SLC39A11: variants seen among roughly 807,000 people sequenced by gnomAD.
SLC39A11 encodes zinc transporter ZIP11.
A neutral mutation model predicts 36.1 loss-of-function variants in SLC39A11; 33 were observed. The ratio of observed to expected loss-of-function variants is 0.91; its 90% CI spans 0.69 to 1.22. The LOEUF (loss-of-function observed/expected upper bound fraction) is 1.22, where lower values mean the gene tolerates loss of function less well. Among genes scored for constraint, SLC39A11 ranks in the 50% most tolerant of loss-of-function variants. The pLI is 0.00. For synonymous variants in SLC39A11, 166 were observed against 170.3 expected, an observed-to-expected ratio of 0.97 and a Z score of 0.20; for missense variants, 432 against 430.3, an observed-to-expected ratio of 1.00 and a Z score of -0.03.
chr17:73,016,319 A>C (rs2058164796), intron 4 of SLC39A11, among the ~76,000 whole-genome samples: 1 of 151,036 alleles, frequency 6.6e-6, no homozygotes, highest in African/African-American at 2.5e-5. Context: ...TCTCAGGGTG[A>C]AGAAGTATCA....
rs536490660 is a variant in SLC39A11 at position 72,646,329 on chromosome 17, T to G, written c.*1255A>C. ...CAGAGCCCACTGAAAGTCTCACGTG[T>G]GCCTTTAACCAATGAGGATGGCAGG... On this transcript the variant is annotated 3_prime_UTR_variant, in exon 10 of 10. Coordinates refer to ENST00000255559, the MANE Select transcript of SLC39A11 (RefSeq NM_139177.4). 2 of 152,656 alleles carry G rather than the reference T, an allele frequency of 1.3e-5. No homozygotes were observed. Among genetic ancestry groups the G allele is most frequent in the East Asian group, 3.9e-4 (2 of 5,188 alleles). 9.5% of individuals were successfully genotyped at this position (152,656 alleles called of 1,614,324 possible).
At chr17:72,761,829 C>T (rs2567539) in intron 6 of SLC39A11, among the ~76,000 whole-genome samples, 3 of 152,054 alleles carry the variant, frequency 2.0e-5, no homozygotes, top group Non-Finnish European at 4.4e-5. Flanking sequence ...CTCAGATCAA[C>T]AGGCATCAAA....
chr17:72,663,235 C>T (rs1235407545), intron 7 of SLC39A11, among the ~76,000 whole-genome samples: 3 of 152,194 alleles, frequency 2.0e-5, no homozygotes, highest in African/African-American at 7.2e-5. Context: ...ACAAACAACA[C>T]GTTTGAGCAG....
rs143800397 is a variant in SLC39A11, at chr17:72,884,940, GTCTT to G, written c.431-35140_431-35137del. On this transcript the variant is annotated intron_variant, in intron 5 of 9. Transcript: ENST00000255559. The stretch of plus-strand genomic sequence containing the variant: ...AATATAAAGTGGTAATATTAAATGA[GTCTT>G]TCTTGCAGTAGGATACTTAACTTTC... 0.015 allele frequency among the ~76,000 whole-genome samples: 2,215 copies of G among 152,284 alleles called. 182 individuals are homozygous for G. In the East Asian group the frequency reaches 0.24, roughly 17 times the overall value.
Position 72,917,665 on chromosome 17 carries a change from C to T in SLC39A11, c.430+30087G>A, listed in dbSNP as rs76618930. ...AACTAGGGCCCTTGTGACATGTGGACGTCATGGAAATCCACTGGCTGCTCT... is the reference window on the plus strand; with the variant it reads ...AACTAGGGCCCTTGTGACATGTGGATGTCATGGAAATCCACTGGCTGCTCT... On this transcript the variant is annotated intron_variant, in intron 5 of 9. Coordinates refer to ENST00000255559, the MANE Select transcript of SLC39A11 (RefSeq NM_139177.4). 2.8e-4 allele frequency among the ~76,000 whole-genome samples: 42 copies of T among 152,252 alleles called. 1 individual carries two copies. The highest frequency in any genetic ancestry group is 8.3e-4 in the South Asian group (4 of 4,826).
intron 3 of SLC39A11, among the ~76,000 whole-genome samples, chr17:73,038,209 A>T (rs2058987151): frequency 6.6e-6 from 1 of 152,098 alleles, no homozygotes; most frequent in African/African-American, 2.4e-5. Context: ...GAGTGACAGA[A>T]CAAGAAACTG....
intron 5 of SLC39A11, among the ~76,000 whole-genome samples, chr17:72,914,665 G>A (rs2083231972): frequency 6.6e-6 from 1 of 152,118 alleles, no homozygotes; most frequent in Non-Finnish European, 1.5e-5. Context: ...CAGATCACCT[G>A]AGGTCAGGGG....
intron 6 of SLC39A11, among the ~76,000 whole-genome samples, chr17:72,755,729 G>A (rs959670871): frequency 1.3e-5 from 2 of 152,204 alleles, no homozygotes; most frequent in Non-Finnish European, 2.9e-5. Context: ...AGAGAATCCC[G>A]CCCTGTGGGA....
chr17:72,926,320 C>G (rs2084047007), intron 5 of SLC39A11, among the ~76,000 whole-genome samples: 1 of 152,180 alleles, frequency 6.6e-6, no homozygotes, highest in South Asian at 2.1e-4. Context: ...TAGCCTCTCA[C>G]CTAACCTTGT....
intron 6 of SLC39A11, among the ~76,000 whole-genome samples, chr17:72,819,543 T>A (rs2077696123): frequency 6.6e-6 from 1 of 151,348 alleles, no homozygotes; most frequent in African/African-American, 2.4e-5. Flanking sequence ...TGCAAAGTCC[T>A]TCTCTACTTC....
At chr17:72,741,193 C>G (rs1167449778) in intron 6 of SLC39A11, among the ~76,000 whole-genome samples, 1 of 151,996 alleles carries the variant, frequency 6.6e-6, no homozygotes, top group Non-Finnish European at 1.5e-5. Flanking sequence ...GTAGTTATGA[C>G]TTAATATATC....
chr17:72,947,461 A>G, intron 5 of SLC39A11: 1 of 444,090 alleles, frequency 2.3e-6, no homozygotes, highest in South Asian at 3.2e-5. Context: ...AAGCAGCCCC[A>G]TCACCATCAG....
At chr17:72,738,293 C>A (rs529953632) in intron 6 of SLC39A11, among the ~76,000 whole-genome samples, 1 of 152,104 alleles carries the variant, frequency 6.6e-6, no homozygotes. Flanking sequence ...CATGAGCCAC[C>A]GCACCTGGCC....
intron 7 of SLC39A11, among the ~76,000 whole-genome samples, chr17:72,721,572 C>T (rs1171801346): frequency 6.6e-6 from 1 of 152,202 alleles, no homozygotes; most frequent in African/African-American, 2.4e-5. Context: ...AGCTCCCCTA[C>T]ATAACACTCA....
intron 3 of SLC39A11, among the ~76,000 whole-genome samples, chr17:73,077,123 G>A (rs1284312112): frequency 6.6e-6 from 1 of 152,184 alleles, no homozygotes; most frequent in African/African-American, 2.4e-5. Flanking sequence ...ACAAGCCACT[G>A]TGACTGCCCA....
chr17:72,898,427 G>A (rs909256926), intron 5 of SLC39A11, among the ~76,000 whole-genome samples: 1 of 152,212 alleles, frequency 6.6e-6, no homozygotes, highest in Admixed American at 6.5e-5. Flanking sequence ...ACAGCCCCCA[G>A]CTGGTCCCCA....
At chr17:72,978,635 G>A (rs1233352469) in intron 4 of SLC39A11, among the ~76,000 whole-genome samples, 1 of 152,032 alleles carries the variant, frequency 6.6e-6, no homozygotes, top group Admixed American at 6.6e-5. Flanking sequence ...AGGGGGTGGG[G>A]AGACTGTGGG....
intron 7 of SLC39A11, among the ~76,000 whole-genome samples, chr17:72,698,861 C>T (rs944706279): frequency 2.6e-5 from 4 of 152,048 alleles, no homozygotes; most frequent in African/African-American, 7.2e-5. Flanking sequence ...GAGGGAGTCT[C>T]GCTCTGTCGC....
intron 5 of SLC39A11, among the ~76,000 whole-genome samples, chr17:72,853,347 T>G (rs917607914): frequency 6.6e-6 from 1 of 151,952 alleles, no homozygotes; most frequent in Non-Finnish European, 1.5e-5. Context: ...TTTTATAATT[T>G]AAGAGAGGGC....
Sources: gnomAD v4.1 joint callset for allele counts (sites outside exome capture counted in the v4.1 genomes callset) on GRCh38, gnomAD v4.1.1 for gene constraint, MANE v1.5 for transcripts, NCBI Gene and HGNC (gene_info 2026-07-23, HGNC 2026-07-21) for gene names.